The following MAP3K5 variants were observed in gnomAD, a reference collection of about 807,000 sequenced individuals.
The protein encoded by MAP3K5 is ASK-1.
In MAP3K5, 56 loss-of-function variants were observed where a neutral mutation model predicts 158.7. The observed-to-expected ratio is 0.35, with a 90% CI of 0.28 to 0.44. The LOEUF is 0.44. Among genes scored for constraint, MAP3K5 ranks in the 20% least tolerant of loss-of-function variants. MAP3K5 has a pLI of 1.00. For synonymous variants in MAP3K5, 579 were observed against 601.7 expected, an observed-to-expected ratio of 0.96 and a Z score of 0.55; for missense variants, 1,294 against 1,674.8, an observed-to-expected ratio of 0.77 and a Z score of 3.97.
chr6:136,584,986 C>T (rs1027174536), intron 23 of MAP3K5, among the ~76,000 whole-genome samples: 6 of 152,178 alleles, frequency 3.9e-5, no homozygotes, highest in Non-Finnish European at 5.9e-5. Flanking sequence ...TTTGAAACTA[C>T]CCCTTACCCA....
chr6:136,718,541 C>A (rs1242945261), intron 2 of MAP3K5, among the ~76,000 whole-genome samples: 2 of 152,156 alleles, frequency 1.3e-5, no homozygotes, highest in Non-Finnish European at 2.9e-5. Flanking sequence ...GTACCTAGCA[C>A]ATAGTGAATA....
At chr6:136,686,689 T>C (rs1780163408) in intron 7 of MAP3K5, among the ~76,000 whole-genome samples, 1 of 152,034 alleles carries the variant, frequency 6.6e-6, no homozygotes, top group South Asian at 2.1e-4. Context: ...ACAAAGAGAA[T>C]AAAATACCTA....
intron 1 of MAP3K5, among the ~76,000 whole-genome samples, chr6:136,731,621 C>T (rs1782227670): frequency 1.3e-5 from 2 of 152,166 alleles, no homozygotes; most frequent in Admixed American, 1.3e-4. Context: ...GTACCATGCA[C>T]ATGTTCCAGT....
intron 10 of MAP3K5, among the ~76,000 whole-genome samples, chr6:136,654,492 G>T (rs747549295): frequency 2.6e-5 from 4 of 151,778 alleles, no homozygotes; most frequent in African/African-American, 9.7e-5. Context: ...TGTTGCCCAG[G>T]CTGGACTGCA....
intron 28 of MAP3K5, among the ~76,000 whole-genome samples, chr6:136,561,124 T>TG (rs1275193002): frequency 1.3e-5 from 2 of 152,104 alleles, no homozygotes; most frequent in Non-Finnish European, 2.9e-5. Flanking sequence ...ACAGAGCTTT[T>TG]GCCTGCCTCG....
At chr6:136,560,905 G>A (rs1024801586) in intron 28 of MAP3K5, among the ~76,000 whole-genome samples, 1 of 149,864 alleles carries the variant, frequency 6.7e-6, no homozygotes, top group Non-Finnish European at 1.5e-5. Context: ...TATGATCACT[G>A]CCCTCCAGCC....
At chr6:136,672,866 C>T (rs1040983401) in intron 7 of MAP3K5, among the ~76,000 whole-genome samples, 3 of 151,192 alleles carry the variant, frequency 2.0e-5, no homozygotes, top group Non-Finnish European at 4.4e-5. Flanking sequence ...GGTGTGTGCC[C>T]GCAGTCCCAG....
chr6:136,668,456 TA>T (rs921268044), intron 8 of MAP3K5, among the ~76,000 whole-genome samples: 1 of 151,960 alleles, frequency 6.6e-6, no homozygotes, highest in African/African-American at 2.4e-5. Flanking sequence ...ATGAACGTGT[TA>T]TTTTTTCCCT....
At chr6:136,643,479 C>A (rs929386599) in intron 11 of MAP3K5, among the ~76,000 whole-genome samples, 1 of 152,202 alleles carries the variant, frequency 6.6e-6, no homozygotes, top group Non-Finnish European at 1.5e-5. Context: ...TACCCACCCA[C>A]TGCCAGGAGG....
chr6:136,619,766 T>TGTG (rs1776721382), intron 15 of MAP3K5, among the ~76,000 whole-genome samples: 6 of 152,182 alleles, frequency 3.9e-5, no homozygotes. Flanking sequence ...GAGGTGCAGC[T>TGTG]GTGGTGATCA....
intron 8 of MAP3K5, among the ~76,000 whole-genome samples, chr6:136,663,275 AACT>A (rs1159942389): frequency 6.6e-6 from 1 of 152,184 alleles, no homozygotes; most frequent in Admixed American, 6.5e-5. Flanking sequence ...ATCAAAATAA[AACT>A]ACAATGAATG....
intron 1 of MAP3K5, among the ~76,000 whole-genome samples, chr6:136,739,273 C>G (rs1263145125): frequency 2.0e-5 from 3 of 152,162 alleles, no homozygotes; most frequent in African/African-American, 7.2e-5. Flanking sequence ...TGGGGTGTAG[C>G]TGGCTGGTGT....
chr6:136,684,066 T>C (rs796331135), intron 7 of MAP3K5, among the ~76,000 whole-genome samples: 60 of 152,032 alleles, frequency 3.9e-4, no homozygotes, highest in African/African-American at 1.4e-3. Context: ...ATCCCATCTC[T>C]ACAAAAAATA....
chr6:136,599,313 G>C (rs966406318), intron 21 of MAP3K5, among the ~76,000 whole-genome samples: 1 of 152,116 alleles, frequency 6.6e-6, no homozygotes, highest in Non-Finnish European at 1.5e-5. Flanking sequence ...CAGGGAATTG[G>C]GGACTGCCCC....
intron 23 of MAP3K5, among the ~76,000 whole-genome samples, chr6:136,587,669 C>T (rs1392501313): frequency 6.6e-6 from 1 of 152,156 alleles, no homozygotes; most frequent in Non-Finnish European, 1.5e-5. Context: ...AAAGGATTCC[C>T]AACATCCTTA....
At chr6:136,572,692 T>C (rs559229666) in intron 25 of MAP3K5, among the ~76,000 whole-genome samples, 97 of 152,358 alleles carry the variant, frequency 6.4e-4, no homozygotes, top group African/African-American at 2.1e-3. Flanking sequence ...ATATATGACG[T>C]AAAAAATTCT....
At chr6:136,764,381 T>C (rs1334891747) in intron 1 of MAP3K5, among the ~76,000 whole-genome samples, 1 of 152,214 alleles carries the variant, frequency 6.6e-6, no homozygotes, top group Non-Finnish European at 1.5e-5. Flanking sequence ...ACTCATAGAA[T>C]GCTCCCTCTC....
chr6:136,581,819 C>T (rs1468394850), intron 24 of MAP3K5, among the ~76,000 whole-genome samples: 1 of 152,168 alleles, frequency 6.6e-6, no homozygotes, highest in Non-Finnish European at 1.5e-5. Flanking sequence ...TGGTGGCTCA[C>T]GCCCTGTAAT....
chr6:136,669,956 T>C (rs923041544), intron 7 of MAP3K5, among the ~76,000 whole-genome samples: 1 of 151,860 alleles, frequency 6.6e-6, no homozygotes, highest in Non-Finnish European at 1.5e-5. Context: ...CCCGCACATA[T>C]TTTTTAAAGT....
Sources: allele counts gnomAD v4.1 joint callset (sites outside exome capture counted in the v4.1 genomes callset), GRCh38; gene constraint gnomAD v4.1.1; transcripts MANE v1.5; gene names NCBI Gene and HGNC (gene_info 2026-07-23, HGNC 2026-07-21).